The following RGL1 variants were observed in gnomAD, a reference collection of about 807,000 sequenced individuals.
RGL1 encodes the protein ral guanine nucleotide dissociation stimulator-like 1.
RGL1 carries 24 observed loss-of-function variants against 95.2 expected under a neutral mutation model. That is an observed-to-expected ratio of 0.25 (90% CI 0.18 to 0.35). The LOEUF is 0.35. RGL1 is among the 10% of genes least tolerant of loss of function. The pLI, the probability that RGL1 is intolerant of heterozygous loss-of-function variation, is 1.00. For missense variants in RGL1, 715 were observed against 936.3 expected (o/e 0.76, Z 3.08); for synonymous variants, 329 against 344.9 (o/e 0.95, Z 0.51).
chr1:183,685,855 T>A (rs2102094602), intron 1 of RGL1, among the ~76,000 whole-genome samples: 1 of 152,330 alleles, frequency 6.6e-6, no homozygotes, highest in East Asian at 1.9e-4. Flanking sequence ...GAAAAAATAA[T>A]GTTTACCTAT....
intron 1 of RGL1, among the ~76,000 whole-genome samples, chr1:183,684,215 G>A (rs547255042): frequency 2.6e-5 from 4 of 152,226 alleles, no homozygotes; most frequent in East Asian, 3.9e-4. Flanking sequence ...CCTTGCTGGC[G>A]AGGAGTTGTG....
intron 2 of RGL1, among the ~76,000 whole-genome samples, chr1:183,777,232 C>T (rs932186883): frequency 2.0e-5 from 3 of 152,172 alleles, no homozygotes; most frequent in Non-Finnish European, 4.4e-5. Context: ...ACAAAGTTAA[C>T]TTTATCTTAA....
intron 1 of RGL1, among the ~76,000 whole-genome samples, chr1:183,640,625 T>C (rs1649862012): frequency 6.6e-6 from 1 of 152,238 alleles, no homozygotes; most frequent in Non-Finnish European, 1.5e-5. Flanking sequence ...AAATGAAAGC[T>C]ATGGACTTTA....
chr1:183,843,858 G>T (rs989541823), intron 2 of RGL1, among the ~76,000 whole-genome samples: 9 of 151,586 alleles, frequency 5.9e-5, no homozygotes, highest in African/African-American at 2.2e-4. Context: ...ATGGAGTCTC[G>T]CTCTGTTGCC....
intron 1 of RGL1, among the ~76,000 whole-genome samples, chr1:183,725,965 T>C (rs1656290070): frequency 1.3e-5 from 2 of 152,170 alleles, no homozygotes; most frequent in Non-Finnish European, 2.9e-5. Flanking sequence ...GAGTATGTTT[T>C]CTGACTACAA....
intron 2 of RGL1, among the ~76,000 whole-genome samples, chr1:183,774,737 G>A (rs894503053): frequency 3.3e-5 from 5 of 151,810 alleles, no homozygotes; most frequent in East Asian, 3.9e-4. Context: ...CACCATGCCC[G>A]GCTAATTTTT....
intron 1 of RGL1, among the ~76,000 whole-genome samples, chr1:183,639,081 A>C (rs1572206539): frequency 6.6e-6 from 1 of 152,188 alleles, no homozygotes; most frequent in South Asian, 2.1e-4. Flanking sequence ...GGAGTTCAAG[A>C]CCAGCCTAGC....
At chr1:183,857,777 TA>T (rs1242523947) in intron 3 of RGL1, among the ~76,000 whole-genome samples, 2 of 152,204 alleles carry the variant, frequency 1.3e-5, no homozygotes, top group Non-Finnish European at 2.9e-5. Context: ...TGGCCTTTGG[TA>T]AATATTTACT....
At chr1:183,710,589 G>A (rs979749090) in intron 1 of RGL1, among the ~76,000 whole-genome samples, 1 of 152,202 alleles carries the variant, frequency 6.6e-6, no homozygotes, top group African/African-American at 2.4e-5. Context: ...TTGACTCATA[G>A]TTCTGCCTGG....
intron 3 of RGL1, among the ~76,000 whole-genome samples, chr1:183,861,476 G>T (rs2102580185): frequency 6.6e-6 from 1 of 152,300 alleles, no homozygotes; most frequent in South Asian, 2.1e-4. Flanking sequence ...AACTGTTTCT[G>T]TTTAAATATT....
intron 1 of RGL1, among the ~76,000 whole-genome samples, chr1:183,805,971 C>CTTTTTT (rs751229707): frequency 7.5e-4 from 56 of 74,568 alleles, no homozygotes; most frequent in Non-Finnish European, 9.5e-4. Flanking sequence ...CTTTTCTTTT[C>CTTTTTT]TTTTTTTTTT....
chr1:183,903,627 G>A (rs558603022), intron 12 of RGL1, among the ~76,000 whole-genome samples: 2 of 152,284 alleles, frequency 1.3e-5, no homozygotes, highest in Non-Finnish European at 2.9e-5. Flanking sequence ...TCACAATCCA[G>A]GAGAGAGGTA....
chr1:183,896,963 T>C (rs1667738336), intron 9 of RGL1, among the ~76,000 whole-genome samples: 1 of 152,160 alleles, frequency 6.6e-6, no homozygotes, highest in South Asian at 2.1e-4. Context: ...TGTAGTACAA[T>C]ATTGGACTTC....
intron 4 of RGL1, among the ~76,000 whole-genome samples, chr1:183,875,960 T>A (rs1666473705): frequency 6.6e-6 from 1 of 151,828 alleles, no homozygotes; most frequent in Admixed American, 6.6e-5. Flanking sequence ...GTTTAACAGA[T>A]CTTTAAGTCC....
At chr1:183,819,217 A>G (rs893205380) in intron 2 of RGL1, among the ~76,000 whole-genome samples, 3 of 152,152 alleles carry the variant, frequency 2.0e-5, no homozygotes, top group Non-Finnish European at 4.4e-5. Flanking sequence ...TACATAACAC[A>G]TTTTTATGAA....
chr1:183,784,984 G>A (rs868228190), intron 2 of RGL1, among the ~76,000 whole-genome samples: 4 of 152,066 alleles, frequency 2.6e-5, no homozygotes, highest in East Asian at 1.9e-4. Flanking sequence ...TTAATTTCAC[G>A]TGTTTCTTTT....
At chr1:183,685,328 A>C (rs1480711206) in intron 1 of RGL1, among the ~76,000 whole-genome samples, 1 of 152,236 alleles carries the variant, frequency 6.6e-6, no homozygotes, top group Non-Finnish European at 1.5e-5. Flanking sequence ...AATTACAATT[A>C]GAGGCACCCG....
intron 1 of RGL1, among the ~76,000 whole-genome samples, chr1:183,654,933 C>T (rs902670363): frequency 6.6e-6 from 1 of 152,192 alleles, no homozygotes; most frequent in African/African-American, 2.4e-5. Context: ...GACTAAACTT[C>T]ATCAGGAGGA....
intron 1 of RGL1, among the ~76,000 whole-genome samples, chr1:183,655,853 G>C (rs1473521843): frequency 1.3e-5 from 2 of 152,196 alleles, no homozygotes; most frequent in East Asian, 3.8e-4. Context: ...ATAGGGTAAA[G>C]GCAGCATCTT....
Sources: allele counts gnomAD v4.1 joint callset (sites outside exome capture counted in the v4.1 genomes callset), GRCh38; gene constraint gnomAD v4.1.1; transcripts MANE v1.5; gene names NCBI Gene and HGNC (gene_info 2026-07-23, HGNC 2026-07-21).